The following ABHD17B variants were observed in gnomAD, a reference collection of about 807,000 sequenced individuals.
ABHD17B encodes the protein abhydrolase domain containing 17B, depalmitoylase.
Under a neutral mutation model 26.2 loss-of-function variants are expected in ABHD17B, and 9 were observed. That is an observed-to-expected ratio of 0.34 (90% confidence interval 0.21 to 0.60). ABHD17B has a LOEUF of 0.60. Ranked by LOEUF, ABHD17B falls within the 20% of genes least tolerant of loss-of-function variation. The probability of loss-of-function intolerance (pLI) is 0.80; values close to 1 mark genes in which losing one functional copy is unlikely to be tolerated. For synonymous variants in ABHD17B, 127 were observed against 122.3 expected (o/e 1.04, Z -0.25); for missense variants, 224 against 352.1 (o/e 0.64, Z 2.91).
rs898203618 is a variant in ABHD17B at position 71,865,833 on chromosome 9, C to T, written c.*954G>A. On this transcript the variant is annotated 3_prime_UTR_variant, in exon 4 of 4. Coordinates refer to ENST00000333421, the MANE Select transcript of ABHD17B (RefSeq NM_001025780.3). ...TCAAGATCGCGCCACTGCACTCCAG[C>T]CTCAGTGACACAGCAAGACTCCATC... 7 of 952,160 alleles carry T rather than the reference C, an allele frequency of 7.4e-6. No individual in the cohort carries two copies. Among genetic ancestry groups the T allele is most frequent in the Non-Finnish European group, 8.8e-6 (7 of 799,752 alleles). 59.0% of individuals were successfully genotyped at this position (952,160 alleles called of 1,614,324 possible).
chr9:71,888,441 C>T (rs182758369), intron 1 of ABHD17B, among the ~76,000 whole-genome samples: 1 of 152,314 alleles, frequency 6.6e-6, no homozygotes, highest in East Asian at 1.9e-4. Flanking sequence ...TTCCACAATG[C>T]ACATTATTCC....
chr9:71,890,481 A>G (rs762967875), intron 1 of ABHD17B, among the ~76,000 whole-genome samples: 1 of 152,230 alleles, frequency 6.6e-6, no homozygotes, highest in African/African-American at 2.4e-5. Flanking sequence ...ATTGCTGACT[A>G]TACAATTAAG....
At chr9:71,875,130 A>ACT (rs760582313) in intron 1 of ABHD17B, 47 bp from the exon 2 acceptor site, 4 of 1,429,576 alleles carry the variant, frequency 2.8e-6, no homozygotes, top group Non-Finnish European at 3.8e-6. Flanking sequence ...CTGAATGTAG[A>ACT]CTCATACAAT....
intron 1 of ABHD17B, among the ~76,000 whole-genome samples, chr9:71,885,590 T>C (rs1197109927): frequency 6.6e-6 from 1 of 152,140 alleles, no homozygotes; most frequent in Middle Eastern, 3.2e-3. Context: ...TAAAATTGTA[T>C]GAAATAATAA....
rs2132117648 is a variant in ABHD17B at position 71,866,234 on chromosome 9, T to A, written c.*553A>T. On this transcript the variant is annotated 3_prime_UTR_variant, in exon 4 of 4. Transcript: ENST00000333421. ...AGGATAAATGTATGTAATCAGAGTA[T>A]ACAGAAAATTCAATGTATTTTACAA... 1.0e-6 allele frequency: 1 copy of A among 981,368 alleles called. No individual in the cohort carries two copies. Among genetic ancestry groups the A allele is most frequent in the Non-Finnish European group, 1.2e-6 (1 of 825,794 alleles). The allele number at this position is 981,368 out of a possible 1,614,324, so 60.8% of individuals were successfully genotyped here.
rs57767774 is a variant in ABHD17B, at chr9:71,865,716, C to A, written c.*1071G>T. Reference sequence around the variant, plus strand: ...TCTCTACTAAAAATACAAAAATTAGCCAGGCGTGGTGGCAAGCATCTGTAA... The same window carrying A: ...TCTCTACTAAAAATACAAAAATTAGACAGGCGTGGTGGCAAGCATCTGTAA... On this transcript the variant is annotated 3_prime_UTR_variant, in exon 4 of 4. Transcript: ENST00000333421. 2,231 of 608,516 alleles carry A rather than the reference C, an allele frequency of 3.7e-3. 41 individuals carry two copies. In the African/African-American group the frequency reaches 0.041, roughly 11 times the overall value. 37.7% of individuals were successfully genotyped at this position (608,516 alleles called of 1,614,324 possible).
chr9:71,865,350 A>T lies in ABHD17B; in HGVS notation c.*1437T>A, dbSNP rs1825927002. 1 of 983,128 alleles carries T rather than the reference A, an allele frequency of 1.0e-6. No homozygotes were observed. Among genetic ancestry groups the T allele is most frequent in the Non-Finnish European group, 1.2e-6 (1 of 827,460 alleles). The allele number at this position is 983,128 out of a possible 1,614,324, so 60.9% of individuals were successfully genotyped here. On this transcript the variant is annotated 3_prime_UTR_variant, in exon 4 of 4. Transcript: ENST00000333421. ...TTCCATATTCATTCATTTACAAATT[A>T]GACTACATACCATTAATTTTATTTT...
intron 1 of ABHD17B, among the ~76,000 whole-genome samples, chr9:71,908,564 C>A (rs1036851867): frequency 4.6e-5 from 7 of 152,114 alleles, no homozygotes; most frequent in Non-Finnish European, 1.0e-4. Context: ...GAAGTAAAAT[C>A]TACCAGTAAA....
chr9:71,909,193 A>T (rs542639099), intron 1 of ABHD17B, among the ~76,000 whole-genome samples: 4 of 152,336 alleles, frequency 2.6e-5, no homozygotes, highest in African/African-American at 9.6e-5. Flanking sequence ...CTAAAAATCT[A>T]ATCCTGTCCT....
intron 1 of ABHD17B, among the ~76,000 whole-genome samples, chr9:71,885,742 T>C (rs1447687120): frequency 6.6e-6 from 1 of 152,156 alleles, no homozygotes; most frequent in Non-Finnish European, 1.5e-5. Flanking sequence ...ATCTCCTTCC[T>C]CTCTTCTAAC....
chr9:71,901,235 T>C (rs1827131272), intron 1 of ABHD17B, among the ~76,000 whole-genome samples: 1 of 152,120 alleles, frequency 6.6e-6, no homozygotes, highest in Admixed American at 6.5e-5. Flanking sequence ...TTGTTTTTTT[T>C]GTTTGTTTTT....
intron 1 of ABHD17B, among the ~76,000 whole-genome samples, chr9:71,901,160 T>C (rs957517060): frequency 1.3e-5 from 2 of 151,378 alleles, no homozygotes; most frequent in African/African-American, 4.9e-5. Flanking sequence ...TCAAAATAAA[T>C]AAATAAATAA....
chr9:71,898,678 CG>C (rs1827037837), intron 1 of ABHD17B, among the ~76,000 whole-genome samples: 1 of 151,784 alleles, frequency 6.6e-6, no homozygotes, highest in Non-Finnish European at 1.5e-5. Flanking sequence ...TGGGAAAGGG[CG>C]GGTTTAGACA....
intron 1 of ABHD17B, among the ~76,000 whole-genome samples, chr9:71,905,313 G>A (rs891988288): frequency 2.6e-5 from 4 of 151,878 alleles, no homozygotes; most frequent in African/African-American, 4.8e-5. Flanking sequence ...TAGTAGAGAC[G>A]GGGTTTCATC....
intron 1 of ABHD17B, among the ~76,000 whole-genome samples, chr9:71,891,742 T>C (rs1296726963): frequency 6.6e-6 from 1 of 152,164 alleles, no homozygotes; most frequent in Non-Finnish European, 1.5e-5. Context: ...AACACACACA[T>C]ACGCACTCTC....
rs1207949637 is a variant in ABHD17B, at chr9:71,882,571, T to C, written c.-3-7488A>G. Among the ~76,000 whole-genome samples, 3 of 151,820 alleles carry C rather than the reference T, an allele frequency of 2.0e-5. No homozygotes were observed. In the East Asian group the frequency reaches 5.8e-4, roughly 29 times the overall value. On this transcript the variant is annotated intron_variant, in intron 1 of 3. Coordinates refer to ENST00000333421, the MANE Select transcript of ABHD17B (RefSeq NM_001025780.3). ...TACTTGGGAGGCTGAGGCAGGAGAA[T>C]TGCTTGAACTCGGGAGGCGGAGGTT...
Position 71,865,243 on chromosome 9 carries a change from T to C in ABHD17B, c.*1544A>G. ...ATATACTTTGAAGAGAGTCATATAC[T>C]ATAGTCTTAAACATAACCACGGAAC... On this transcript the variant is annotated 3_prime_UTR_variant, in exon 4 of 4. Transcript: ENST00000333421. 1.0e-6 allele frequency: 1 copy of C among 985,684 alleles called. No individual in the cohort carries two copies. Among genetic ancestry groups the C allele is most frequent in the Non-Finnish European group, 1.2e-6 (1 of 829,824 alleles). 61.1% of individuals were successfully genotyped at this position (985,684 alleles called of 1,614,324 possible).
At chr9:71,890,346 T>A (rs1425258545) in intron 1 of ABHD17B, among the ~76,000 whole-genome samples, 1 of 152,136 alleles carries the variant, frequency 6.6e-6, no homozygotes, top group Non-Finnish European at 1.5e-5. Context: ...CCACCTTCTA[T>A]GCTCATTCTG....
At chr9:71,864,209 CTTTCTTTTT>C (rs1825893953), downstream of ABHD17B, among the ~76,000 whole-genome samples, 1 of 62,746 alleles carries the variant, frequency 1.6e-5, no homozygotes, top group African/African-American at 5.4e-5. Flanking sequence ...ATAGGCCAAA[CTTTCTTTTT>C]TTTTTTTTTT....
Sources: allele counts gnomAD v4.1 joint callset (sites outside exome capture counted in the v4.1 genomes callset), GRCh38; gene constraint gnomAD v4.1.1; transcripts MANE v1.5; gene names NCBI Gene and HGNC (gene_info 2026-07-23, HGNC 2026-07-21).